Variants in PIK3R5 observed in about 807,000 individuals in gnomAD.
The protein encoded by PIK3R5 is phosphoinositide 3-kinase regulatory subunit 5.
Under a neutral mutation model 94.9 loss-of-function variants are expected in PIK3R5, and 32 were observed. That is an observed-to-expected ratio of 0.34 (90% CI 0.25 to 0.45). The LOEUF is 0.45. Ranked by LOEUF, PIK3R5 falls within the 20% of genes least tolerant of loss-of-function variation. The pLI, the probability that PIK3R5 is intolerant of heterozygous loss-of-function variation, is 1.00. For missense variants in PIK3R5, 853 were observed against 1,144.6 expected (o/e 0.75, Z 3.68); for synonymous variants, 443 against 479.4 (o/e 0.92, Z 0.99).
intron 1 of PIK3R5, among the ~76,000 whole-genome samples, chr17:8,950,886 T>C (rs2091364086): frequency 6.6e-6 from 1 of 152,220 alleles, no homozygotes; most frequent in South Asian, 2.1e-4. Flanking sequence ...CTGCTTTCTA[T>C]AGTGGTTGAA....
intron 1 of PIK3R5, among the ~76,000 whole-genome samples, chr17:8,959,600 A>G (rs9916603): frequency 0.013 from 1,940 of 152,272 alleles, 44 homozygotes; most frequent in African/African-American, 0.044. Context: ...ACGCTCCCCC[A>G]GGAGGCTGGC....
chr17:8,882,142 G>C lies in PIK3R5; in HGVS notation c.2206-261C>G, dbSNP rs961971856. On this transcript the variant is annotated intron_variant, in intron 15 of 18. Transcript: ENST00000447110. This position sits in a 1 kb window ranked among gnomAD's most constrained non-coding sequence, Gnocchi z 4.1. ...TACAAGAGCTGAGAGCACCTGCAGG[G>C]GTGGTCCTGAAGCTCTCCTGCCGGG... 1.0e-5 allele frequency: 5 copies of C among 494,440 alleles called. No homozygotes were observed. The highest frequency in any genetic ancestry group is 6.6e-5 in the Admixed American group (2 of 30,306). The allele number at this position is 494,440 out of a possible 1,614,324, so 30.6% of individuals were successfully genotyped here.
intron 1 of PIK3R5, among the ~76,000 whole-genome samples, chr17:8,923,103 A>G (rs2090787880): frequency 6.6e-6 from 1 of 152,162 alleles, no homozygotes; most frequent in East Asian, 1.9e-4. Flanking sequence ...GCCAGATACC[A>G]TGCTTAGGGC....
chr17:8,920,468 T>C (rs557547294), intron 1 of PIK3R5, among the ~76,000 whole-genome samples: 1 of 152,268 alleles, frequency 6.6e-6, no homozygotes, highest in Admixed American at 6.5e-5. Context: ...AATCTGTAAG[T>C]AGAATCTGAG....
chr17:8,941,882 G>A (rs1484213556), intron 1 of PIK3R5, among the ~76,000 whole-genome samples: 1 of 152,256 alleles, frequency 6.6e-6, no homozygotes, highest in African/African-American at 2.4e-5. Flanking sequence ...CAGTAGGACA[G>A]GGGAAAACAG....
chr17:8,903,168 A>G (rs1019224386), intron 5 of PIK3R5, among the ~76,000 whole-genome samples: 1 of 152,106 alleles, frequency 6.6e-6, no homozygotes, highest in Non-Finnish European at 1.5e-5. Flanking sequence ...TTCTAACTCA[A>G]TATTTTTTAT....
chr17:8,951,917 C>T lies in PIK3R5; in HGVS notation c.-14+13679G>A, dbSNP rs1255382520. 2.0e-5 allele frequency among the ~76,000 whole-genome samples: 3 copies of T among 152,230 alleles called. No homozygotes were observed. The East Asian group carries it at 5.8e-4, about 29-fold the overall frequency. On this transcript the variant is annotated intron_variant, in intron 1 of 18. Coordinates refer to ENST00000447110, the MANE Select transcript of PIK3R5 (RefSeq NM_001142633.3). ...GTAACTAAGTATGACCATATGACTA[C>T]ATTCTGGCTACTGGAATATGAATAG...
rs2090741939 is a variant in PIK3R5, at chr17:8,921,436, C to A, written c.-13-9929G>T. Among the ~76,000 whole-genome samples the A allele has an allele frequency of 5.3e-5, 8 of 152,172 alleles. No homozygotes were observed. In the South Asian group the frequency reaches 1.7e-3, roughly 32 times the overall value. On this transcript the variant is annotated intron_variant, in intron 1 of 18. Coordinates refer to ENST00000447110, the MANE Select transcript of PIK3R5 (RefSeq NM_001142633.3). The stretch of plus-strand genomic sequence containing the variant: ...TTCTGGCTCATGAATTATAGCTTTG[C>A]CAATTATAGAATTGGCATAATTCAT...
intron 1 of PIK3R5, among the ~76,000 whole-genome samples, chr17:8,933,968 T>C (rs1361809665): frequency 6.6e-6 from 1 of 152,224 alleles, no homozygotes; most frequent in East Asian, 1.9e-4. Flanking sequence ...AGAGCATCTA[T>C]GAAAAATCTA....
intron 5 of PIK3R5, among the ~76,000 whole-genome samples, chr17:8,900,766 G>A (rs961723172): frequency 6.6e-6 from 1 of 152,070 alleles, no homozygotes; most frequent in African/African-American, 2.4e-5. Flanking sequence ...CACCTCCGTG[G>A]CACATCTGCT....
chr17:8,962,782 T>C (rs2091589576), intron 1 of PIK3R5, among the ~76,000 whole-genome samples: 1 of 152,238 alleles, frequency 6.6e-6, no homozygotes, highest in South Asian at 2.1e-4. Flanking sequence ...CATCTTCAAA[T>C]TGATGAAATA....
Position 8,880,938 on chromosome 17 carries a change from T to G in PIK3R5, c.2462A>C (p.Gln821Pro). Residue 821 changes from glutamine (Q) to proline (P), a missense_variant, in exon 18 of 19, where the codon CAG becomes CCG. Gln to Pro is a moderately conservative substitution (Grantham distance 76). Transcript: ENST00000447110. The stretch of plus-strand genomic sequence containing the variant: ...ACTCTGCAGGATCTTTCTCTCATCC[T>G]GGTCCAGGCACACAGCAAAGGGGCA... ...NSCPFAVCLD[Q>P]DERKILQSVV... The G allele has an allele frequency of 6.2e-7, 1 of 1,614,184 alleles. No individual in the cohort carries two copies. The highest frequency in any genetic ancestry group is 8.5e-7 in the Non-Finnish European group (1 of 1,180,014).
In PIK3R5 at chr17:8,881,058, C is replaced by T. The variant is rs1367809905; in HGVS notation, c.2383-41G>A. 17 of 1,410,274 alleles carry T rather than the reference C, an allele frequency of 1.2e-5. No individual in the cohort carries two copies. Among genetic ancestry groups the T allele is most frequent in the Non-Finnish European group, 1.3e-5 (13 of 993,870 alleles). The allele number at this position is 1,410,274 out of a possible 1,614,324, so 87.4% of individuals were successfully genotyped here. A position where few individuals can be genotyped will look rare whatever the true frequency, so the allele number is the denominator to read the frequency against. The stretch of plus-strand genomic sequence containing the variant: ...AGGTCAGCCCCAAATCCCTGGCCAT[C>T]CAACACTGCCAGCCCCTGGCAGTTC... On this transcript the variant is annotated intron_variant, in intron 17 of 18. Coordinates refer to ENST00000447110, the MANE Select transcript of PIK3R5 (RefSeq NM_001142633.3). This position sits in a 1 kb window ranked among gnomAD's most constrained non-coding sequence, Gnocchi z 4.8.
At chr17:8,883,362 T>C (rs1016799858) in intron 15 of PIK3R5, among the ~76,000 whole-genome samples, 22 of 152,196 alleles carry the variant, frequency 1.4e-4, no homozygotes, top group Admixed American at 1.4e-3. Flanking sequence ...GGCGAGACTA[T>C]GTCTCAAAAA....
chr17:8,913,623 A>G (rs1008383327), intron 1 of PIK3R5, among the ~76,000 whole-genome samples: 3 of 152,038 alleles, frequency 2.0e-5, no homozygotes, highest in African/African-American at 7.3e-5. Flanking sequence ...GAGGCAGGAG[A>G]CTCGCTTGAA....
chr17:8,924,357 G>A (rs990983455), intron 1 of PIK3R5, among the ~76,000 whole-genome samples: 1 of 151,848 alleles, frequency 6.6e-6, no homozygotes, highest in African/African-American at 2.4e-5. Flanking sequence ...GGGATTACAG[G>A]CGTGAGCCAC....
Position 8,881,594 on chromosome 17 carries a change from T to C in PIK3R5, c.2382+36A>G, listed in dbSNP as rs1041391908. On this transcript the variant is annotated intron_variant, in intron 17 of 18. Transcript: ENST00000447110. The surrounding 1 kb of genome is among the most constrained non-coding windows in gnomAD (Gnocchi z 4.8). ...GCACATGCACGCTCCAGTAAGTCTC[T>C]TGAGGGTATGGCTGGAAGGAGAGGG... 4 of 1,562,016 alleles carry C rather than the reference T, an allele frequency of 2.6e-6. No individual in the cohort carries two copies. The highest frequency in any genetic ancestry group is 3.5e-6 in the Non-Finnish European group (4 of 1,138,080).
chr17:8,886,487 T>C lies in PIK3R5; in HGVS notation c.2024A>G (p.Tyr675Cys), dbSNP rs948031213. The change falls in exon 13 of 19, where the codon TAT becomes TGT. Residue 675 changes from tyrosine to cysteine, a missense_variant. Tyr to Cys is a radical substitution (Grantham distance 194). Coordinates refer to ENST00000447110, the MANE Select transcript of PIK3R5 (RefSeq NM_001142633.3). Reference sequence around the variant, plus strand: ...GCAGGGAGGCCTTACCTCGGTCTGATAGACTTGCAGCAGCACCGGTCTGGC... The same window carrying C: ...GCAGGGAGGCCTTACCTCGGTCTGACAGACTTGCAGCAGCACCGGTCTGGC... ...FAARPVLLQV[Y>C]QTELTFITGE... 1 of 1,605,896 alleles carries C rather than the reference T, an allele frequency of 6.2e-7. No individual in the cohort carries two copies. The highest frequency in any genetic ancestry group is 8.5e-7 in the Non-Finnish European group (1 of 1,175,678).
chr17:8,958,249 C>T (rs2091496488), intron 1 of PIK3R5, among the ~76,000 whole-genome samples: 1 of 147,752 alleles, frequency 6.8e-6, no homozygotes, highest in African/African-American at 2.5e-5. Flanking sequence ...GGTGGAGGTT[C>T]GCACCACTGC....
Sources: gnomAD v4.1 joint callset for allele counts (sites outside exome capture counted in the v4.1 genomes callset) on GRCh38, gnomAD v4.1.1 for gene constraint, Gnocchi (gnomAD v3.1) non-coding constraint, MANE v1.5 for transcripts, NCBI Gene and HGNC (gene_info 2026-07-23, HGNC 2026-07-21) for gene names.